The following EXOC4 variants were observed in gnomAD, a reference collection of about 807,000 sequenced individuals.
EXOC4 encodes the protein exocyst complex component 4.
EXOC4 carries 71 observed loss-of-function variants against 107.2 expected under a neutral mutation model. The observed-to-expected ratio is 0.66, with a 90% CI of 0.55 to 0.81. EXOC4 has a LOEUF of 0.81. Ranked by LOEUF, EXOC4 falls within the 30% of genes least tolerant of loss-of-function variation. The pLI is 0.00. For missense variants in EXOC4, 1,108 were observed against 1,189.6 expected (o/e 0.93, Z 1.01); for synonymous variants, 456 against 441.2 (o/e 1.03, Z -0.42).
chr7:133,913,606 T>G (rs1029352164), intron 12 of EXOC4, among the ~76,000 whole-genome samples: 5 of 152,102 alleles, frequency 3.3e-5, no homozygotes, highest in Admixed American at 1.3e-4. Context: ...CAGGATGGCT[T>G]GAATAGGGAA....
At chr7:133,533,200 T>C (rs529544345) in intron 9 of EXOC4, among the ~76,000 whole-genome samples, 1 of 152,284 alleles carries the variant, frequency 6.6e-6, no homozygotes, top group East Asian at 1.9e-4. Context: ...GTTTAGTATT[T>C]ACCAGTTCAA....
At position 133,901,220 on chromosome 7, in the gene EXOC4, G is replaced by T. The variant is rs1170895423; in HGVS notation, c.1871+5485G>T. ...CATTTCAGCCTATTGAGATATTTTTGAATCTTCATTCTGTCGTCAAAAAAT... is the reference window on the plus strand; with the variant it reads ...CATTTCAGCCTATTGAGATATTTTTTAATCTTCATTCTGTCGTCAAAAAAT... On this transcript the variant is annotated intron_variant, in intron 12 of 17. Transcript: ENST00000253861. Among the ~76,000 whole-genome samples the T allele has an allele frequency of 8.5e-5, 13 of 152,136 alleles. No individual in the cohort carries two copies. In the East Asian group the frequency reaches 1.9e-3, roughly 23 times the overall value.
intron 14 of EXOC4, among the ~76,000 whole-genome samples, chr7:133,941,061 G>A (rs552588825): frequency 3.0e-4 from 46 of 150,874 alleles, no homozygotes; most frequent in East Asian, 9.8e-4. Context: ...GCAGTGGCGC[G>A]ATCTCGGCTC....
chr7:133,896,650 T>C (rs930096021), intron 12 of EXOC4, among the ~76,000 whole-genome samples: 8 of 130,478 alleles, frequency 6.1e-5, no homozygotes, highest in Non-Finnish European at 1.4e-4. Context: ...TTTTATTTTA[T>C]TTATTTTATT....
chr7:133,811,681 A>G (rs1797233622), intron 10 of EXOC4, among the ~76,000 whole-genome samples: 2 of 152,352 alleles, frequency 1.3e-5, no homozygotes, highest in East Asian at 3.9e-4. Context: ...GAACAGCCAT[A>G]TTGCACAAAA....
intron 12 of EXOC4, among the ~76,000 whole-genome samples, chr7:133,916,121 C>T (rs1343157230): frequency 6.6e-6 from 1 of 152,258 alleles, no homozygotes; most frequent in East Asian, 1.9e-4. Flanking sequence ...CAGGATGTAA[C>T]TGTTCCACCT....
At position 133,911,296 on chromosome 7, in the gene EXOC4, A is replaced by G. The variant is rs1040577843; in HGVS notation, c.1872-6287A>G. On this transcript the variant is annotated intron_variant, in intron 12 of 17. Transcript: ENST00000253861. ...GATATGTCCTGGAATTCTGTAACCC[A>G]CATGATCTGGTTTACCAGAAAATCA... Among the ~76,000 whole-genome samples the G allele has an allele frequency of 3.3e-5, 5 of 152,310 alleles. No individual in the cohort carries two copies. The South Asian group carries it at 1.0e-3, about 32-fold the overall frequency.
chr7:133,814,624 A>G (rs1340787116), intron 10 of EXOC4, among the ~76,000 whole-genome samples: 1 of 152,092 alleles, frequency 6.6e-6, no homozygotes, highest in Admixed American at 6.6e-5. Context: ...GGGTTGTACT[A>G]TTTTTCACTC....
intron 9 of EXOC4, among the ~76,000 whole-genome samples, chr7:133,622,237 A>G (rs1370267353): frequency 6.6e-6 from 1 of 151,984 alleles, no homozygotes; most frequent in East Asian, 1.9e-4. Context: ...GGCCTCCCAT[A>G]GCGCTGGAAT....
At chr7:133,641,884 A>G (rs184403605) in intron 10 of EXOC4, among the ~76,000 whole-genome samples, 69 of 152,324 alleles carry the variant, frequency 4.5e-4, no homozygotes, top group Non-Finnish European at 8.1e-4. Flanking sequence ...AATGCATCTA[A>G]GTGAATCTAC....
At chr7:133,359,728 G>A (rs542171792) in intron 6 of EXOC4, among the ~76,000 whole-genome samples, 1 of 152,270 alleles carries the variant, frequency 6.6e-6, no homozygotes, top group East Asian at 1.9e-4. Context: ...GAGAATTAAT[G>A]TTGTGTGCTA....
intron 7 of EXOC4, among the ~76,000 whole-genome samples, chr7:133,440,490 A>C (rs1181736335): frequency 6.6e-6 from 1 of 152,044 alleles, no homozygotes; most frequent in Admixed American, 6.6e-5. Context: ...AACCAGAGCA[A>C]CTCCATCTTG....
intron 7 of EXOC4, among the ~76,000 whole-genome samples, chr7:133,408,736 A>G (rs1485819379): frequency 6.6e-6 from 1 of 152,164 alleles, no homozygotes; most frequent in Non-Finnish European, 1.5e-5. Context: ...TCTGACACCA[A>G]AGTCCACATA....
the EXOC4 span, among the ~76,000 whole-genome samples, chr7:134,092,669 T>C: frequency 6.6e-6 from 1 of 152,146 alleles, no homozygotes; most frequent in African/African-American, 2.4e-5. Context: ...CTAAGGGAAT[T>C]CGTTACCACT....
At chr7:133,786,492 G>A (rs2542259) in intron 10 of EXOC4, among the ~76,000 whole-genome samples, 150,334 of 152,350 alleles carry the variant, frequency 0.99, 74,216 homozygotes, top group Middle Eastern at 1. Flanking sequence ...GTTAAAGCAC[G>A]GCCCAGAACG....
intron 9 of EXOC4, among the ~76,000 whole-genome samples, chr7:133,541,675 AT>A (rs373858010): frequency 0.015 from 2,149 of 147,404 alleles, 58 homozygotes; most frequent in African/African-American, 0.05. Flanking sequence ...AATTTTTTGT[AT>A]TTTTTTTTTG....
At chr7:133,974,973 T>A (rs1310077828) in intron 14 of EXOC4, among the ~76,000 whole-genome samples, 2 of 152,166 alleles carry the variant, frequency 1.3e-5, no homozygotes, top group African/African-American at 4.8e-5. Context: ...AAGTACCAGA[T>A]GGACCATTTG....
At chr7:133,898,046 G>C (rs902563974) in intron 12 of EXOC4, among the ~76,000 whole-genome samples, 8 of 134,632 alleles carry the variant, frequency 5.9e-5, no homozygotes, top group African/African-American at 2.3e-4. Flanking sequence ...AGCAACCGCT[G>C]TTCTACCCTC....
intron 10 of EXOC4, among the ~76,000 whole-genome samples, chr7:133,810,304 A>C (rs1344977638): frequency 6.6e-6 from 1 of 152,198 alleles, no homozygotes; most frequent in Non-Finnish European, 1.5e-5. Context: ...AATTTGTGAT[A>C]AGGCTGGGCT....
Sources: gnomAD v4.1 joint callset for allele counts (sites outside exome capture counted in the v4.1 genomes callset) on GRCh38, gnomAD v4.1.1 for gene constraint, MANE v1.5 for transcripts, NCBI Gene and HGNC (gene_info 2026-07-23, HGNC 2026-07-21) for gene names.